The following SLC25A13 variants were observed in gnomAD, a reference collection of about 807,000 sequenced individuals.
SLC25A13 encodes the protein solute carrier family 25 member 13.
Under a neutral mutation model 85.5 loss-of-function variants are expected in SLC25A13, and 70 were observed. That is an observed-to-expected ratio of 0.82 (90% CI 0.68 to 1.00). SLC25A13 has a LOEUF of 1.00. Among genes scored for constraint, SLC25A13 ranks in the 50% least tolerant of loss-of-function variants. The pLI, the probability that SLC25A13 is intolerant of heterozygous loss-of-function variation, is 0.00. For synonymous variants in SLC25A13, 259 were observed against 288.7 expected, an observed-to-expected ratio of 0.90 and a Z score of 1.04; for missense variants, 765 against 819.8, an observed-to-expected ratio of 0.93 and a Z score of 0.82.
intron 2 of SLC25A13, among the ~76,000 whole-genome samples, chr7:96,290,571 A>T (rs1319078468): frequency 7.4e-5 from 11 of 148,624 alleles, no homozygotes; most frequent in Non-Finnish European, 1.6e-4. Flanking sequence ...AAATAAAGGG[A>T]TGGAGGAAGA....
chr7:96,270,389 C>T (rs767952364), intron 3 of SLC25A13, among the ~76,000 whole-genome samples: 57 of 152,092 alleles, frequency 3.7e-4, no homozygotes, highest in Non-Finnish European at 7.1e-4. Context: ...AACACTGTCT[C>T]TACTAAAAAT....
chr7:96,304,131 C>T (rs1275559705), intron 1 of SLC25A13, among the ~76,000 whole-genome samples: 1 of 152,138 alleles, frequency 6.6e-6, no homozygotes, highest in Non-Finnish European at 1.5e-5. Flanking sequence ...CTTCATCCTA[C>T]AGTTTCCCTA....
chr7:96,238,783 G>T (rs928929692), intron 3 of SLC25A13, among the ~76,000 whole-genome samples: 1 of 151,950 alleles, frequency 6.6e-6, no homozygotes, highest in African/African-American at 2.4e-5. Context: ...GAACTTGCTG[G>T]CAGTTTGTTG....
chr7:96,142,293 G>A (rs1176002620), intron 14 of SLC25A13, among the ~76,000 whole-genome samples: 1 of 152,056 alleles, frequency 6.6e-6, no homozygotes, highest in Non-Finnish European at 1.5e-5. Context: ...CCTTCCTCCT[G>A]TTGGTGTCTT....
At chr7:96,250,289 G>A (rs1336440202) in intron 3 of SLC25A13, among the ~76,000 whole-genome samples, 4 of 152,182 alleles carry the variant, frequency 2.6e-5, no homozygotes, top group Admixed American at 2.6e-4. Flanking sequence ...AAATCCTTAG[G>A]GGCTTTCAGG....
chr7:96,126,301 T>A (rs1323591680), intron 15 of SLC25A13, among the ~76,000 whole-genome samples: 1 of 152,158 alleles, frequency 6.6e-6, no homozygotes, highest in Admixed American at 6.5e-5. Flanking sequence ...TAATTCTTCT[T>A]GGGAAAAGCT....
chr7:96,203,946 G>A (rs1192575211), intron 5 of SLC25A13, among the ~76,000 whole-genome samples: 2 of 152,190 alleles, frequency 1.3e-5, no homozygotes, highest in Admixed American at 1.3e-4. Flanking sequence ...CTTAGATCTG[G>A]AGAAAGTGCA....
intron 13 of SLC25A13, among the ~76,000 whole-genome samples, chr7:96,150,420 A>C (rs905897228): frequency 9.2e-5 from 14 of 152,110 alleles, no homozygotes; most frequent in Non-Finnish European, 1.3e-4. Context: ...CTCAAGAGGT[A>C]CTTTTTGCAG....
At chr7:96,264,666 C>T (rs1797982274) in intron 3 of SLC25A13, among the ~76,000 whole-genome samples, 1 of 151,894 alleles carries the variant, frequency 6.6e-6, no homozygotes, top group Non-Finnish European at 1.5e-5. Context: ...TAAAAAGTAA[C>T]TCTATTACAT....
At chr7:96,199,385 T>C (rs1418824787) in intron 5 of SLC25A13, among the ~76,000 whole-genome samples, 2 of 152,080 alleles carry the variant, frequency 1.3e-5, no homozygotes, top group African/African-American at 4.8e-5. Context: ...GATACCTAAA[T>C]AAGTGAATAA....
intron 3 of SLC25A13, among the ~76,000 whole-genome samples, chr7:96,257,930 C>T (rs1473895682): frequency 2.0e-5 from 3 of 152,074 alleles, no homozygotes; most frequent in African/African-American, 7.2e-5. Context: ...AATCAATAAA[C>T]GTAATTCATC....
chr7:96,300,683 C>T lies in SLC25A13; in HGVS notation c.16-3732G>A, dbSNP rs143999260. ...CTGATAATTGTCTCAGCTACCCTAC[C>T]CCCAACCCAGAGTTCCAGGTACAGC... On this transcript the variant is annotated intron_variant, in intron 1 of 17. Coordinates refer to ENST00000265631, the MANE Select transcript of SLC25A13 (RefSeq NM_014251.3). Among the ~76,000 whole-genome samples, 1,433 of 152,220 alleles carry T rather than the reference C, an allele frequency of 9.4e-3. 17 individuals carry two copies. The highest frequency in any genetic ancestry group is 0.041 in the Middle Eastern group (12 of 294).
At chr7:96,295,278 G>A (rs1283353391) in intron 2 of SLC25A13, among the ~76,000 whole-genome samples, 3 of 152,200 alleles carry the variant, frequency 2.0e-5, no homozygotes, top group Admixed American at 6.5e-5. Flanking sequence ...GAACCCGGGA[G>A]GTGGAGGTTG....
rs774369510 is a variant in SLC25A13, at chr7:96,146,563, A to G, written c.1445T>C (p.Ile482Thr). 1.2e-6 allele frequency: 2 copies of G among 1,613,396 alleles called. No individual in the cohort carries two copies. Among genetic ancestry groups the G allele is most frequent in the African/African-American group, 2.7e-5 (2 of 74,800 alleles). The change falls in exon 14 of 18, where the codon ATC becomes ACC. Residue 482 changes from isoleucine (I) to threonine (T), a missense_variant. Coordinates refer to ENST00000265631, the MANE Select transcript of SLC25A13 (RefSeq NM_014251.3). ...SVVRDLGFFG[I>T]YKGAKACFLR... ...AAAAAAAAAAAAAGTTACCTTGTAG[A>G]TCCCAAAAAACCCCAGGTCCCGCAC...
rs770435848 is a variant in SLC25A13 at position 96,277,324 on chromosome 7, C to T, written c.84G>A (p.Glu28=). 1.2e-5 allele frequency: 19 copies of T among 1,612,688 alleles called. No homozygotes were observed. The highest frequency in any genetic ancestry group is 1.5e-5 in the Non-Finnish European group (18 of 1,179,402). The change falls in exon 3 of 18, where the codon GAG becomes GAA. Residue 28 remains glutamate, a synonymous_variant. Coordinates refer to ENST00000265631, the MANE Select transcript of SLC25A13 (RefSeq NM_014251.3). The part of the protein sequence containing the change: ...RTIFLKYASI[E]KNGEFFMSPN... ...GGGACATGAAAAATTCACCGTTTTT[C>T]TCAATGCTTGCATACTGTTTAAAAA...
At chr7:96,254,168 T>G (rs1194845550) in intron 3 of SLC25A13, among the ~76,000 whole-genome samples, 1 of 152,178 alleles carries the variant, frequency 6.6e-6, no homozygotes, top group Non-Finnish European at 1.5e-5. Flanking sequence ...TGTATGGGTG[T>G]TTCTGGATGA....
intron 4 of SLC25A13, among the ~76,000 whole-genome samples, chr7:96,221,614 G>A (rs938566439): frequency 3.9e-5 from 6 of 152,146 alleles, no homozygotes; most frequent in Non-Finnish European, 8.8e-5. Context: ...AAAATGATGG[G>A]TAAAGTCTGC....
chr7:96,265,239 A>G (rs1435821100), intron 3 of SLC25A13, among the ~76,000 whole-genome samples: 1 of 152,198 alleles, frequency 6.6e-6, no homozygotes, highest in East Asian at 1.9e-4. Context: ...TTGTAACACC[A>G]TGCACACCGG....
At chr7:96,181,955 T>G (rs1268216249) in intron 11 of SLC25A13, among the ~76,000 whole-genome samples, 1 of 152,238 alleles carries the variant, frequency 6.6e-6, no homozygotes, top group Admixed American at 6.5e-5. Flanking sequence ...AATGTGACTT[T>G]GTACATAAAG....
Sources: gnomAD v4.1 joint callset for allele counts (sites outside exome capture counted in the v4.1 genomes callset) on GRCh38, gnomAD v4.1.1 for gene constraint, MANE v1.5 for transcripts, NCBI Gene and HGNC (gene_info 2026-07-23, HGNC 2026-07-21) for gene names.